Variants in PRSS56 observed in about 807,000 individuals in gnomAD.
The protein encoded by PRSS56 is serine protease 56.
A neutral mutation model predicts 66.8 loss-of-function variants in PRSS56; 55 were observed. That is an observed-to-expected ratio of 0.82 (90% CI 0.66 to 1.03). PRSS56 has a LOEUF of 1.03. PRSS56 is among the 50% of genes least tolerant of loss of function. The pLI is 0.00. For missense variants in PRSS56, 869 were observed against 837.2 expected, an observed-to-expected ratio of 1.04 and a Z score of -0.47; for synonymous variants, 409 against 387.9, an observed-to-expected ratio of 1.05 and a Z score of -0.64.
Position 232,524,158 on chromosome 2 carries a change from A to G in PRSS56, c.1306A>G (p.Arg436Gly), listed in dbSNP as rs1430496329. Residue 436 changes from arginine (R) to glycine (G), a missense_variant, in exon 10 of 13, where the codon AGG (arginine) becomes GGG (glycine). Transcript: ENST00000617714. ...PALALPAPAL[R>G]ESPLHPAREL... is the part of the protein sequence containing the mutation. ...CCTGGCTCTCCCCGCTCCAGCGCTCAGGGAGTCTCCTCTGCACCCCGCCCG... is the reference window on the plus strand; with the variant it reads ...CCTGGCTCTCCCCGCTCCAGCGCTCGGGGAGTCTCCTCTGCACCCCGCCCG... The G allele has an allele frequency of 6.6e-7, 1 of 1,520,304 alleles. No individual in the cohort carries two copies. The highest frequency in any genetic ancestry group is 2.0e-5 in the Admixed American group (1 of 49,458). 94.2% of individuals were successfully genotyped at this position (1,520,304 alleles called of 1,614,324 possible). A position where few individuals can be genotyped will look rare whatever the true frequency, so the allele number is the denominator to read the frequency against.
Position 232,520,637 on chromosome 2 carries a change from C to T in PRSS56, c.39C>T (p.Ser13=). ...TGCTGCTGCTGCTACCCCTCCCAAG[C>T]TCATGGTTTGCCCACGGGCACCCAC... The part of the protein sequence containing the change: ...LAVLLLLPLP[S]SWFAHGHPLY... The change falls in exon 1 of 13, where the codon AGC becomes AGT. Residue 13 remains serine, a synonymous_variant. Coordinates refer to ENST00000617714, the MANE Select transcript of PRSS56 (RefSeq NM_001195129.2). 6.5e-7 allele frequency: 1 copy of T among 1,536,108 alleles called. No individual in the cohort carries two copies. The highest frequency in any genetic ancestry group is 8.7e-7 in the Non-Finnish European group (1 of 1,146,888).
rs558877093 is a variant in PRSS56 at position 232,523,823 on chromosome 2, C to T, written c.1064C>T (p.Pro355Leu). The change falls in exon 9 of 13, where the codon CCC becomes CTC. Residue 355 changes from proline (P) to leucine (L), a missense_variant. Around this residue, in one of 3 missense-constraint regions of PRSS56, gnomAD observed 551 missense variants for 506.9 expected, o/e 1.09. Transcript: ENST00000617714. ...SCRELLAWDP[P>L]QELQADAARL... ...AGGGAGCTTCTGGCCTGGGACCCCC[C>T]CCAGGAGCTGCAGGCAGACGCCGCC... 279 of 1,533,642 alleles carry T rather than the reference C, an allele frequency of 1.8e-4. No homozygotes were observed. Among genetic ancestry groups the T allele is most frequent in the Middle Eastern group, 1.0e-3 (5 of 4,820 alleles).
At position 232,520,629 on chromosome 2, in the gene PRSS56, C is replaced by T. The variant is rs562504521; in HGVS notation, c.31C>T (p.Leu11Phe). Reference protein sequence around the residue: MLLAVLLLLPLPSSWFAHGHP... With the variant: MLLAVLLLLPFPSSWFAHGHP... ...GCTGGCTGTGCTGCTGCTGCTACCC[C>T]TCCCAAGCTCATGGTTTGCCCACGG... is the stretch of plus-strand genomic sequence containing the variant. The change falls in exon 1 of 13, where the codon CTC (leucine) becomes TTC (phenylalanine). Residue 11 changes from leucine to phenylalanine, a missense_variant. Leu to Phe is a conservative substitution (Grantham distance 22). Around this residue, in one of 3 missense-constraint regions of PRSS56, gnomAD observed 315 missense variants for 313.7 expected, o/e 1.00. Transcript: ENST00000617714. The T allele has an allele frequency of 7.5e-5, 115 of 1,536,152 alleles. 1 individual carries two copies. In the African/African-American group the frequency reaches 1.5e-3, roughly 20 times the overall value.
rs763247010 is a variant in PRSS56, at chr2:232,521,906, G to A, written c.256+40G>A. The A allele has an allele frequency of 5.9e-6, 9 of 1,529,222 alleles. No individual in the cohort carries two copies. In the Admixed American group the frequency reaches 9.9e-5, roughly 17 times the overall value. 94.7% of individuals were successfully genotyped at this position (1,529,222 alleles called of 1,614,324 possible). On this transcript the variant is annotated intron_variant, in intron 3 of 12. Transcript: ENST00000617714. ...GCTCGAGGGGGCAGGCCTGAGAGCC[G>A]GGTGGGCCTCGAAGGCGAGGATGGC...
rs769932009 is a variant in PRSS56, at chr2:232,524,029, C to T, written c.1187-10C>T. 1 of 1,525,620 alleles carries T rather than the reference C, an allele frequency of 6.6e-7. No homozygotes were observed. The allele number at this position is 1,525,620 out of a possible 1,614,324, so 94.5% of individuals were successfully genotyped here. Reference sequence around the variant, plus strand: ...TCTGACCGCCGCTCCGACTCCTGTCCGGTCCGCAGAGCTGCGCTCGCTGGC... The same window carrying T: ...TCTGACCGCCGCTCCGACTCCTGTCTGGTCCGCAGAGCTGCGCTCGCTGGC... On this transcript the variant is annotated splice_polypyrimidine_tract_variant and intron_variant, in intron 9 of 12. Coordinates refer to ENST00000617714, the MANE Select transcript of PRSS56 (RefSeq NM_001195129.2).
In PRSS56 at chr2:232,523,090, C is replaced by T. The variant is rs1188160218; in HGVS notation, c.737C>T (p.Ala246Val). 6.5e-7 allele frequency: 1 copy of T among 1,535,174 alleles called. No homozygotes were observed. Among genetic ancestry groups the T allele is most frequent in the Non-Finnish European group, 8.7e-7 (1 of 1,146,376 alleles). ...CCTGAGGCTGAAGCAGTGAGAGAGG[C>T]CCGTGTTCCCCTGCTCAGCACCGAC... ...DGPEAEAVRE[A>V]RVPLLSTDTC... is the part of the protein sequence containing the mutation. Residue 246 changes from alanine (A) to valine (V), a missense_variant, in exon 7 of 13, where the codon GCC (alanine) becomes GTC (valine). Coordinates refer to ENST00000617714, the MANE Select transcript of PRSS56 (RefSeq NM_001195129.2).
chr2:232,522,455 G>A, intron 4 of PRSS56, 60 bp from the exon 5 acceptor site: 1 of 1,390,158 alleles, frequency 7.2e-7, no homozygotes, highest in Non-Finnish European at 9.6e-7. Flanking sequence ...CAGGGTCTCC[G>A]AGGGGCCTGC....
chr2:232,524,121 C>T lies in PRSS56; in HGVS notation c.1269C>T (p.Arg423=). 2 of 1,513,184 alleles carry T rather than the reference C, an allele frequency of 1.3e-6. No homozygotes were observed. The highest frequency in any genetic ancestry group is 1.8e-6 in the Non-Finnish European group (2 of 1,137,712). 93.7% of individuals were successfully genotyped at this position (1,513,184 alleles called of 1,614,324 possible). A position where few individuals can be genotyped will look rare whatever the true frequency, so the allele number is the denominator to read the frequency against. Residue 423 remains arginine, a synonymous_variant, in exon 10 of 13, where the codon CGC becomes CGT. Transcript: ENST00000617714. ...TCGGGCCTCGTCCGGGACTGCGGCG[C>T]CTGGCCCCCGCCCTGGCTCTCCCCG... The part of the protein sequence containing the change: ...ELLGPRPGLR[R]LAPALALPAP...
At position 232,520,593 on chromosome 2, in the gene PRSS56, G is replaced by T; in HGVS notation, c.-6G>T. On this transcript the variant is annotated 5_prime_UTR_variant, in exon 1 of 13. Transcript: ENST00000617714. Reference sequence around the variant, plus strand: ...CAGGGGTCTCTCACCCCAGCTCCTGGTCACCATGCTGCTGGCTGTGCTGCT... The same window carrying T: ...CAGGGGTCTCTCACCCCAGCTCCTGTTCACCATGCTGCTGGCTGTGCTGCT... 1 of 1,535,962 alleles carries T rather than the reference G, an allele frequency of 6.5e-7. No individual in the cohort carries two copies. Among genetic ancestry groups the T allele is most frequent in the Non-Finnish European group, 8.7e-7 (1 of 1,146,750 alleles).
In PRSS56 at chr2:232,523,826, A is replaced by C; in HGVS notation, c.1067A>C (p.Gln356Pro). Residue 356 changes from glutamine to proline, a missense_variant, in exon 9 of 13, where the codon CAG becomes CCG. Around this residue, in one of 3 missense-constraint regions of PRSS56, gnomAD observed 551 missense variants for 506.9 expected, o/e 1.09. Transcript: ENST00000617714. ...GAGCTTCTGGCCTGGGACCCCCCCC[A>C]GGAGCTGCAGGCAGACGCCGCCCGG... ...CRELLAWDPPQELQADAARLC... is the reference protein window; with the variant it reads ...CRELLAWDPPPELQADAARLC... 1.3e-6 allele frequency: 2 copies of C among 1,533,386 alleles called. No homozygotes were observed. Among genetic ancestry groups the C allele is most frequent in the Non-Finnish European group, 1.7e-6 (2 of 1,146,348 alleles). The allele number at this position is 1,533,386 out of a possible 1,614,324, so 95.0% of individuals were successfully genotyped here.
Position 232,523,849 on chromosome 2 carries a change from C to G in PRSS56, c.1090C>G (p.Arg364Gly), listed in dbSNP as rs890861977. ...PPQELQADAARLCAFYARLCP... is the reference protein window; with the variant it reads ...PPQELQADAAGLCAFYARLCP... ...CCAGGAGCTGCAGGCAGACGCCGCC[C>G]GGCTCTGCGCCTTCTATGCCCGCCT... The change falls in exon 9 of 13, where the codon CGG (arginine) becomes GGG (glycine). Residue 364 changes from arginine (R) to glycine (G), a missense_variant. Physicochemically the swap from Arg to Gly is moderately radical, Grantham distance 125. This residue lies in a region of PRSS56 where 551 missense variants were observed against 506.9 expected (regional missense o/e 1.09). Transcript: ENST00000617714. 9 of 1,532,778 alleles carry G rather than the reference C, an allele frequency of 5.9e-6. No homozygotes were observed. The Admixed American group carries it at 5.9e-5, about 10-fold the overall frequency. 94.9% of individuals were successfully genotyped at this position (1,532,778 alleles called of 1,614,324 possible).
chr2:232,523,962 C>A lies in PRSS56; in HGVS notation c.1186+17C>A. On this transcript the variant is annotated intron_variant, in intron 9 of 12. Coordinates refer to ENST00000617714, the MANE Select transcript of PRSS56 (RefSeq NM_001195129.2). ...GGCGATGCGGTCAGTTCTGTTCACC[C>A]GGACCCGGACGGGGGGCAGAGGGGA... 1 of 1,515,060 alleles carries A rather than the reference C, an allele frequency of 6.6e-7. No homozygotes were observed. The highest frequency in any genetic ancestry group is 8.8e-7 in the Non-Finnish European group (1 of 1,138,020). 93.9% of individuals were successfully genotyped at this position (1,515,060 alleles called of 1,614,324 possible). A position where few individuals can be genotyped will look rare whatever the true frequency, so the allele number is the denominator to read the frequency against.
intron 7 of PRSS56, 95 bp from the exon 8 acceptor site, chr2:232,523,321 A>C (rs1574623435): frequency 1.4e-6 from 2 of 1,422,128 alleles, no homozygotes; most frequent in East Asian, 5.2e-5. Flanking sequence ...CCTCATCCCT[A>C]AAATGGACAC....
Position 232,525,482 on chromosome 2 carries a change from G to C in PRSS56, c.1788G>C (p.Gln596His). Reference protein sequence around the residue: ...ERKGHHPLNPQVPPARQP With the variant: ...ERKGHHPLNPHVPPARQP Reference sequence around the variant, plus strand: ...AGGGGCACCACCCACTCAACCCTCAGGTACCCCCCGCCAGGCAACCCTGAG... The same window carrying C: ...AGGGGCACCACCCACTCAACCCTCACGTACCCCCCGCCAGGCAACCCTGAG... Residue 596 changes from glutamine to histidine, a missense_variant, in exon 13 of 13, where the codon CAG becomes CAC. Gln to His is a conservative substitution (Grantham distance 24). Coordinates refer to ENST00000617714, the MANE Select transcript of PRSS56 (RefSeq NM_001195129.2). The C allele has an allele frequency of 6.7e-7, 1 of 1,502,020 alleles. No individual in the cohort carries two copies. Among genetic ancestry groups the C allele is most frequent in the Middle Eastern group, 1.9e-4 (1 of 5,258 alleles). The allele number at this position is 1,502,020 out of a possible 1,614,324, so 93.0% of individuals were successfully genotyped here. A position where few individuals can be genotyped will look rare whatever the true frequency, so the allele number is the denominator to read the frequency against.
In PRSS56 at chr2:232,520,464, A is replaced by G. The variant is rs893146595; in HGVS notation, c.-135A>G. ...TTTTGATGTAAGAGAACGGGGTCAG[A>G]TGATTTGAGGGACAAGAATTCAGTG... On this transcript the variant is annotated 5_prime_UTR_variant, in exon 1 of 13. An upstream start codon of the reference 5' UTR is lost. Coordinates refer to ENST00000617714, the MANE Select transcript of PRSS56 (RefSeq NM_001195129.2). 6 of 731,066 alleles carry G rather than the reference A, an allele frequency of 8.2e-6. No homozygotes were observed. The African/African-American group carries it at 8.6e-5, about 11-fold the overall frequency. The allele number at this position is 731,066 out of a possible 1,614,324, so 45.3% of individuals were successfully genotyped here.
intron 4 of PRSS56, 40 bp downstream of exon 4, chr2:232,522,200 G>C: frequency 7.1e-7 from 1 of 1,414,890 alleles, no homozygotes; most frequent in Non-Finnish European, 9.3e-7. Flanking sequence ...TGGGGTCCCC[G>C]GCGCTGGGCC....
At chr2:232,522,954 T>C in intron 6 of PRSS56, 93 bp downstream of exon 6, 1 of 1,306,800 alleles carries the variant, frequency 7.7e-7, no homozygotes, top group Non-Finnish European at 1.0e-6. Context: ...GGAAAAATGC[T>C]GCCTGCTCTT....
At chr2:232,522,182 T>A (rs1426571305) in intron 4 of PRSS56, 22 bp downstream of exon 4, 3 of 1,447,780 alleles carry the variant, frequency 2.1e-6, no homozygotes, top group Non-Finnish European at 2.7e-6. Context: ...CCCCAGGCCT[T>A]GCCCAGCTGG....
Position 232,522,548 on chromosome 2 carries a change from G to A in PRSS56, c.480G>A (p.Leu160=), listed in dbSNP as rs1691304836. 1 of 1,534,974 alleles carries A rather than the reference G, an allele frequency of 6.5e-7. No individual in the cohort carries two copies. The highest frequency in any genetic ancestry group is 2.0e-5 in the Admixed American group (1 of 50,952). ...ATGAGCTTCTGTGGACTGTGACGCT[G>A]GCAGAGGGGTCCCGGGGGGAGCAAG... The part of the protein sequence containing the change: ...APNELLWTVT[L]AEGSRGEQAE... The change falls in exon 5 of 13, where the codon CTG becomes CTA. Residue 160 remains leucine, a synonymous_variant. Transcript: ENST00000617714.
Sources: gnomAD v4.1 joint callset for allele counts on GRCh38, gnomAD v4.1.1 for gene constraint, gnomAD v4.1.1 regional missense constraint, MANE v1.5 for transcripts, NCBI Gene and HGNC (gene_info 2026-07-23, HGNC 2026-07-21) for gene names.